The following PRKN variants were observed in gnomAD, a reference collection of about 807,000 sequenced individuals.
The protein encoded by PRKN is E3 ubiquitin-protein ligase parkin.
PRKN carries 56 observed loss-of-function variants against 59.5 expected under a neutral mutation model. The ratio of observed to expected loss-of-function variants is 0.94; its 90% CI spans 0.76 to 1.18. The LOEUF is 1.18. Among genes scored for constraint, PRKN ranks in the 50% most tolerant of loss-of-function variants. PRKN has a pLI of 0.00. For synonymous variants in PRKN, 250 were observed against 222.1 expected (o/e 1.13, Z -1.12); for missense variants, 657 against 596.4 (o/e 1.10, Z -1.06).
intron 4 of PRKN, among the ~76,000 whole-genome samples, chr6:162,162,580 C>A (rs190283856): frequency 1.8e-4 from 27 of 152,262 alleles, no homozygotes; most frequent in Middle Eastern, 3.4e-3. Context: ...TGGAAAAATT[C>A]ACTAATTAAA....
intron 7 of PRKN, among the ~76,000 whole-genome samples, chr6:161,573,589 G>A (rs1420802420): frequency 1.3e-5 from 2 of 149,486 alleles, no homozygotes; most frequent in Non-Finnish European, 3.0e-5. Flanking sequence ...GCGTGGTGGC[G>A]GGCGCCTGTA....
At chr6:162,112,386 A>C (rs1161199505) in intron 4 of PRKN, among the ~76,000 whole-genome samples, 1 of 152,158 alleles carries the variant, frequency 6.6e-6, no homozygotes, top group African/African-American at 2.4e-5. Context: ...CAGAATACCT[A>C]AGTTTCTCCT....
chr6:161,570,835 G>A (rs1307073960), intron 7 of PRKN, among the ~76,000 whole-genome samples: 1 of 152,140 alleles, frequency 6.6e-6, no homozygotes, highest in African/African-American at 2.4e-5. Context: ...AGGCCCAAAT[G>A]TATAGATATG....
At position 161,376,077 on chromosome 6, in the gene PRKN, G is replaced by C. The variant is rs1317054817; in HGVS notation, c.1167+10717C>G. On this transcript the variant is annotated intron_variant, in intron 10 of 11. Coordinates refer to ENST00000366898, the MANE Select transcript of PRKN (RefSeq NM_004562.3). This position sits in a 1 kb window ranked among gnomAD's most constrained non-coding sequence, Gnocchi z 7.3. ...CAGTCAATGGCTGAGAGACGGCTCT[G>C]CGGTGAGATGCTGGGGCAAAATAGA... 6.6e-6 allele frequency among the ~76,000 whole-genome samples: 1 copy of C among 152,198 alleles called. No homozygotes were observed. Among genetic ancestry groups the C allele is most frequent in the Non-Finnish European group, 1.5e-5 (1 of 68,036 alleles).
intron 7 of PRKN, chr6:161,783,803 T>A: frequency 2.4e-6 from 1 of 411,502 alleles, no homozygotes; most frequent in Non-Finnish European, 4.6e-6. Context: ...TTCAACAAGT[T>A]TTCCTTAACA....
rs373880990 is a variant in PRKN at position 161,552,486 on chromosome 6, TG to T, written c.934-3484del. ...CCTATGACTGTGAATGATCTCACGG[TG>T]ATCCTCCAAGCCCCTCTCCCTCAGC... On this transcript the variant is annotated intron_variant, in intron 8 of 11. Transcript: ENST00000366898. The surrounding 1 kb of genome is among the most constrained non-coding windows in gnomAD (Gnocchi z 4.9). 0.44 allele frequency among the ~76,000 whole-genome samples: 50,192 copies of T among 113,082 alleles called. 14,380 individuals are homozygous for T. The highest frequency in any genetic ancestry group is 0.65 in the East Asian group (2,405 of 3,704). The allele number at this position is 113,082 out of a possible 152,430, so 74.2% of individuals were successfully genotyped here.
intron 7 of PRKN, among the ~76,000 whole-genome samples, chr6:161,613,079 A>C (rs1209003306): frequency 6.6e-6 from 1 of 152,218 alleles, no homozygotes; most frequent in Non-Finnish European, 1.5e-5. Context: ...TGGGCAAAGT[A>C]CACTGAAAAC....
At chr6:162,475,885 G>A (rs556072659) in intron 1 of PRKN, among the ~76,000 whole-genome samples, 2 of 152,042 alleles carry the variant, frequency 1.3e-5, no homozygotes, top group Admixed American at 6.6e-5. Context: ...CCAAGTAGCT[G>A]GGATTACAGG....
chr6:162,448,937 G>C (rs1790455179), intron 1 of PRKN, among the ~76,000 whole-genome samples: 1 of 144,000 alleles, frequency 6.9e-6, no homozygotes, highest in Non-Finnish European at 1.5e-5. Context: ...TCCCACTATA[G>C]AGTGCAGTGG....
At chr6:162,550,949 C>T (rs766302921) in intron 1 of PRKN, among the ~76,000 whole-genome samples, 22 of 152,092 alleles carry the variant, frequency 1.4e-4, no homozygotes, top group Non-Finnish European at 2.1e-4. Context: ...TCATATCCTA[C>T]GCATACCCAC....
rs1281190377 is a variant in PRKN, at chr6:162,568,563, G to A, written c.8-125090C>T. ...GGAGGTGGACCCCAACATCCAGGCC[G>A]TGCAGGAGCAGGAGAAGGAGAAGGA... On this transcript the variant is annotated intron_variant, in intron 1 of 11. Coordinates refer to ENST00000366898, the MANE Select transcript of PRKN (RefSeq NM_004562.3). The A allele has an allele frequency of 2.4e-5, 20 of 819,296 alleles. 1 individual carries two copies. Among genetic ancestry groups the A allele is most frequent in the South Asian group, 5.4e-5 (4 of 73,558 alleles). 50.8% of individuals were successfully genotyped at this position (819,296 alleles called of 1,614,324 possible).
chr6:161,599,045 C>G (rs901695043), intron 7 of PRKN, among the ~76,000 whole-genome samples: 1 of 152,144 alleles, frequency 6.6e-6, no homozygotes, highest in Non-Finnish European at 1.5e-5. Context: ...GATGCAGCCA[C>G]AAGCCGAGGA....
intron 2 of PRKN, among the ~76,000 whole-genome samples, chr6:162,301,333 C>T (rs1202587573): frequency 4.6e-5 from 7 of 150,894 alleles, no homozygotes; most frequent in African/African-American, 1.7e-4. Context: ...ACTCAGCATT[C>T]TTAAACTTCT....
At chr6:161,565,624 G>A (rs560535301) in intron 8 of PRKN, among the ~76,000 whole-genome samples, 11 of 152,154 alleles carry the variant, frequency 7.2e-5, no homozygotes, top group South Asian at 2.1e-4. Context: ...TTCGCCTTCC[G>A]TCATGATTGT....
intron 4 of PRKN, among the ~76,000 whole-genome samples, chr6:162,173,584 T>C (rs913708519): frequency 6.6e-6 from 1 of 151,720 alleles, no homozygotes; most frequent in Non-Finnish European, 1.5e-5. Context: ...AATTGCTTTG[T>C]CATGGCCTCA....
At chr6:162,596,088 A>ATTCT (rs1781485942) in intron 1 of PRKN, among the ~76,000 whole-genome samples, 1 of 152,178 alleles carries the variant, frequency 6.6e-6, no homozygotes, top group East Asian at 1.9e-4. Flanking sequence ...GATATCAAGA[A>ATTCT]GTCAAGACTG....
intron 6 of PRKN, among the ~76,000 whole-genome samples, chr6:161,858,806 T>C (rs1263623947): frequency 2.0e-5 from 3 of 151,234 alleles, no homozygotes; most frequent in African/African-American, 7.3e-5. Context: ...CATGGCCTTT[T>C]AATGCTTAGT....
intron 7 of PRKN, among the ~76,000 whole-genome samples, chr6:161,770,578 C>A (rs1465735255): frequency 1.3e-5 from 2 of 152,140 alleles, no homozygotes; most frequent in East Asian, 3.9e-4. Flanking sequence ...AGTGATTCTC[C>A]TGCCTCAGCC....
At chr6:162,176,431 T>C (rs12202396) in intron 4 of PRKN, among the ~76,000 whole-genome samples, 74,144 of 151,900 alleles carry the variant, frequency 0.49, 19,790 homozygotes, top group Non-Finnish European at 0.61. Flanking sequence ...AATCTAGGAC[T>C]ATATGGTACT....
Sources: allele counts gnomAD v4.1 joint callset (sites outside exome capture counted in the v4.1 genomes callset), GRCh38; gene constraint gnomAD v4.1.1; non-coding constraint Gnocchi (gnomAD v3.1); transcripts MANE v1.5; gene names NCBI Gene and HGNC (gene_info 2026-07-23, HGNC 2026-07-21).